The following LPP variants were observed in gnomAD, a reference collection of about 807,000 sequenced individuals.
LPP encodes LIM domain containing preferred translocation partner in lipoma.
A neutral mutation model predicts 60.4 loss-of-function variants in LPP; 38 were observed. The observed-to-expected ratio is 0.63, with a 90% CI of 0.49 to 0.83. The LOEUF (loss-of-function observed/expected upper bound fraction) is 0.83, where lower values mean the gene tolerates loss of function less well. Among genes scored for constraint, LPP ranks in the 40% least tolerant of loss-of-function variants. The pLI is 0.00. For synonymous variants in LPP, 328 were observed against 290.8 expected (o/e 1.13, Z -1.30); for missense variants, 902 against 783.6 (o/e 1.15, Z -1.80).
chr3:188,616,522 T>C (rs547564750), intron 7 of LPP, among the ~76,000 whole-genome samples: 1 of 152,310 alleles, frequency 6.6e-6, no homozygotes, highest in East Asian at 1.9e-4. Flanking sequence ...GGTAGCATGA[T>C]GCCTCCAGCT....
At chr3:188,456,795 A>G (rs1225372628) in intron 4 of LPP, among the ~76,000 whole-genome samples, 6 of 152,204 alleles carry the variant, frequency 3.9e-5, no homozygotes, top group Non-Finnish European at 8.8e-5. Context: ...GAGTGCAAGG[A>G]AAAATAAATG....
chr3:188,300,539 T>C (rs1241789456), intron 2 of LPP, among the ~76,000 whole-genome samples: 1 of 151,852 alleles, frequency 6.6e-6, no homozygotes, highest in African/African-American at 2.4e-5. Flanking sequence ...AATTGGAGTT[T>C]AGCAGTACTT....
intron 2 of LPP, among the ~76,000 whole-genome samples, chr3:188,272,137 G>A (rs6783408): frequency 0.11 from 17,296 of 152,146 alleles, 1,338 homozygotes; most frequent in African/African-American, 0.21. Flanking sequence ...GCTGTGCCAC[G>A]AGTTTGCTCT....
At chr3:188,508,538 G>A (rs1814232947) in intron 5 of LPP, among the ~76,000 whole-genome samples, 1 of 152,156 alleles carries the variant, frequency 6.6e-6, no homozygotes. Flanking sequence ...TATGTATTAA[G>A]CTCCAACAGG....
rs1472798257 is a variant in LPP at position 188,862,723 on chromosome 3, ATAAAT to A, written c.1411-3476_1411-3472del. Among the ~76,000 whole-genome samples, 274 of 105,960 alleles carry A rather than the reference ATAAAT, an allele frequency of 2.6e-3. 2 individuals carry two copies. The highest frequency in any genetic ancestry group is 8.1e-3 in the African/African-American group (253 of 31,070). The allele number at this position is 105,960 out of a possible 152,430, so 69.5% of individuals were successfully genotyped here. A position where few individuals can be genotyped will look rare whatever the true frequency, so the allele number is the denominator to read the frequency against. ...GCAACCCTACTAGACAAAAAAATAA[ATAAAT>A]AAATAAATAAAAGAAAAAAGAAAAG... On this transcript the variant is annotated intron_variant, in intron 9 of 11. Transcript: ENST00000617246.
intron 2 of LPP, among the ~76,000 whole-genome samples, chr3:188,326,167 T>G (rs1018297818): frequency 1.3e-5 from 2 of 152,146 alleles, no homozygotes; most frequent in Non-Finnish European, 2.9e-5. Flanking sequence ...AAGCTTTAAG[T>G]TTGGCGTTTG....
At chr3:188,731,542 A>T (rs180971259) in intron 8 of LPP, among the ~76,000 whole-genome samples, 7 of 19,850 alleles carry the variant, frequency 3.5e-4, no homozygotes, top group African/African-American at 1.2e-3. Context: ...TTTTGTTTTG[A>T]GATGGAGTCT....
intron 2 of LPP, among the ~76,000 whole-genome samples, chr3:188,228,016 C>G (rs868645662): frequency 6.6e-6 from 1 of 152,206 alleles, no homozygotes; most frequent in Admixed American, 6.5e-5. Flanking sequence ...CTGGAAGCTC[C>G]GTGGGCAACC....
At chr3:188,647,632 C>A (rs991248816) in intron 7 of LPP, among the ~76,000 whole-genome samples, 1 of 152,076 alleles carries the variant, frequency 6.6e-6, no homozygotes, top group Non-Finnish European at 1.5e-5. Flanking sequence ...CACATTAGTC[C>A]TGGCTATTAT....
chr3:188,176,411 A>G (rs952749182), intron 1 of LPP, among the ~76,000 whole-genome samples: 23 of 152,206 alleles, frequency 1.5e-4, no homozygotes, highest in African/African-American at 5.3e-4. Flanking sequence ...ACACACTGTC[A>G]GGTCAGGTAG....
At chr3:188,764,856 G>T (rs1300715902) in intron 9 of LPP, among the ~76,000 whole-genome samples, 1 of 152,062 alleles carries the variant, frequency 6.6e-6, no homozygotes, top group African/African-American at 2.4e-5. Flanking sequence ...AGCAGAAGGT[G>T]GTACAGACAT....
intron 3 of LPP, among the ~76,000 whole-genome samples, chr3:188,359,945 TC>T (rs1768779585): frequency 6.6e-6 from 1 of 152,214 alleles, no homozygotes; most frequent in African/African-American, 2.4e-5. Context: ...ATTGCACTGC[TC>T]TGCCCACATT....
chr3:188,637,453 A>G (rs1046992314), intron 7 of LPP, among the ~76,000 whole-genome samples: 12 of 151,606 alleles, frequency 7.9e-5, no homozygotes, highest in Non-Finnish European at 1.3e-4. Context: ...AATTAAAAGA[A>G]CTAGAAAAGC....
At chr3:188,776,900 C>T (rs1560190273) in intron 9 of LPP, among the ~76,000 whole-genome samples, 1 of 152,026 alleles carries the variant, frequency 6.6e-6, no homozygotes, top group Non-Finnish European at 1.5e-5. Context: ...ACATAACAGT[C>T]AGTTTATTAT....
chr3:188,634,204 T>C (rs1323105558), intron 7 of LPP, among the ~76,000 whole-genome samples: 1 of 152,238 alleles, frequency 6.6e-6, no homozygotes, highest in Non-Finnish European at 1.5e-5. Context: ...GATATTTTCT[T>C]TGCCAAATTA....
intron 9 of LPP, among the ~76,000 whole-genome samples, chr3:188,818,703 T>C (rs1753134511): frequency 6.6e-6 from 1 of 152,174 alleles, no homozygotes; most frequent in East Asian, 1.9e-4. Context: ...TTCCTAACAG[T>C]GTAGCCTTGG....
At chr3:188,202,788 C>T (rs1180646006) in intron 1 of LPP, among the ~76,000 whole-genome samples, 4 of 152,010 alleles carry the variant, frequency 2.6e-5, no homozygotes, top group Non-Finnish European at 5.9e-5. Flanking sequence ...GAGATGTTTC[C>T]TTGTTTGCTG....
In LPP at chr3:188,335,198, G is replaced by A. The variant is rs182414827; in HGVS notation, c.-66-6465G>A. 4.4e-3 allele frequency among the ~76,000 whole-genome samples: 677 copies of A among 152,296 alleles called. 6 individuals are homozygous for A. Among genetic ancestry groups the A allele is most frequent in the Non-Finnish European group, 7.1e-3 (481 of 68,020 alleles). On this transcript the variant is annotated intron_variant, in intron 2 of 11. Transcript: ENST00000617246. ...CATGTGAAGTGTTTATTATGCTGAG[G>A]TAAGGTATGTTTCTTTTATACCTGA...
chr3:188,336,238 G>A (rs1761591465), intron 2 of LPP, among the ~76,000 whole-genome samples: 1 of 152,076 alleles, frequency 6.6e-6, no homozygotes, highest in South Asian at 2.1e-4. Context: ...AGTGGCTGTG[G>A]GACTAGAGTC....
Sources: gnomAD v4.1 joint callset for allele counts (sites outside exome capture counted in the v4.1 genomes callset) on GRCh38, gnomAD v4.1.1 for gene constraint, MANE v1.5 for transcripts, NCBI Gene and HGNC (gene_info 2026-07-23, HGNC 2026-07-21) for gene names.